Variants in TYW1B observed in about 807,000 individuals in gnomAD.
The protein encoded by TYW1B is tRNA-yW synthesizing protein 1 homolog B.
A neutral mutation model predicts 86.9 loss-of-function variants in TYW1B; 73 were observed. The ratio of observed to expected loss-of-function variants is 0.84; its 90% CI spans 0.70 to 1.02. The LOEUF is 1.02. Among genes scored for constraint, TYW1B ranks in the 50% least tolerant of loss-of-function variants. The pLI, the probability that TYW1B is intolerant of heterozygous loss-of-function variation, is 0.00. For missense variants in TYW1B, 637 were observed against 827.4 expected, an observed-to-expected ratio of 0.77 and a Z score of 2.82; for synonymous variants, 248 against 292.8, an observed-to-expected ratio of 0.85 and a Z score of 1.56.
chr7:72,737,499 T>C lies in TYW1B; in HGVS notation c.1082+6985A>G, dbSNP rs189362252. Among the ~76,000 whole-genome samples, 129 of 152,282 alleles carry C rather than the reference T, an allele frequency of 8.5e-4. 2 individuals carry two copies. In the East Asian group the frequency reaches 0.021, roughly 24 times the overall value. ...GAGGAGCACTACCCATTAGATCCTG[T>C]TATTTCTTTTGAATTTTGACCTGTA... On this transcript the variant is annotated intron_variant, in intron 8 of 13. Transcript: ENST00000620995.
intron 11 of TYW1B, among the ~76,000 whole-genome samples, chr7:72,643,226 A>G (rs1319680041): frequency 1.3e-5 from 2 of 152,188 alleles, no homozygotes; most frequent in Non-Finnish European, 2.9e-5. Context: ...ATGCCATAAA[A>G]TAAGGATGGC....
chr7:72,711,248 T>C (rs146107282), intron 10 of TYW1B, among the ~76,000 whole-genome samples: 16 of 152,108 alleles, frequency 1.1e-4, no homozygotes, highest in Middle Eastern at 6.8e-3. Flanking sequence ...CAGAAAGATA[T>C]ATGGGAACAG....
chr7:72,820,425 T>C (rs1177845191), intron 2 of TYW1B, among the ~76,000 whole-genome samples: 1 of 152,154 alleles, frequency 6.6e-6, no homozygotes, highest in Non-Finnish European at 1.5e-5. Context: ...CTTAAGGAAG[T>C]GCTAACTATG....
chr7:72,620,235 A>G (rs1812180746), intron 12 of TYW1B, among the ~76,000 whole-genome samples: 1 of 151,996 alleles, frequency 6.6e-6, no homozygotes, highest in Non-Finnish European at 1.5e-5. Flanking sequence ...TGTCTCTATT[A>G]AAAATACAAA....
At chr7:72,667,301 A>C (rs533481079) in intron 11 of TYW1B, among the ~76,000 whole-genome samples, 1 of 152,132 alleles carries the variant, frequency 6.6e-6, no homozygotes, top group Admixed American at 6.5e-5. Flanking sequence ...TTTCCTGCAC[A>C]TGTTTTTGTT....
chr7:72,605,346 TTTTG>T (rs1364415464), intron 13 of TYW1B, among the ~76,000 whole-genome samples: 1 of 151,706 alleles, frequency 6.6e-6, no homozygotes, highest in Non-Finnish European at 1.5e-5. Flanking sequence ...GTGGTTTTTT[TTTTG>T]TTTGTTTTGT....
At chr7:72,606,602 A>G (rs58317813) in intron 13 of TYW1B, among the ~76,000 whole-genome samples, 16,926 of 68,672 alleles carry the variant, frequency 0.25, 1,241 homozygotes, top group African/African-American at 0.32. Flanking sequence ...CCCAGCAGCA[A>G]TAAGGCCCCC....
intron 11 of TYW1B, among the ~76,000 whole-genome samples, chr7:72,658,795 A>G (rs1231583289): frequency 6.6e-6 from 1 of 152,154 alleles, no homozygotes; most frequent in Non-Finnish European, 1.5e-5. Context: ...ATCTCGGCTC[A>G]CTGCAACCTC....
At position 72,616,743 on chromosome 7, in the gene TYW1B, C is replaced by A. The variant is rs531710796; in HGVS notation, c.1714G>T (p.Asp572Tyr). ...EVVQFVRELVDLIPEYEIACE... is the reference protein window; with the variant it reads ...EVVQFVRELVYLIPEYEIACE... ...GCAATTTCATATTCGGGGATCAGAT[C>A]CACCAGCTCGCGGACAAACTGTACC... Residue 572 changes from aspartate to tyrosine, a missense_variant, in exon 13 of 14, where the codon GAT (aspartate) becomes TAT (tyrosine). By Grantham distance (160) the Asp-to-Tyr change is radical. Coordinates refer to ENST00000620995, the MANE Select transcript of TYW1B (RefSeq NM_001145440.3). The A allele has an allele frequency of 1.9e-6, 3 of 1,614,232 alleles. No homozygotes were observed. Among genetic ancestry groups the A allele is most frequent in the Admixed American group, 3.3e-5 (2 of 60,026 alleles).
chr7:72,688,390 G>A (rs1447970913), intron 11 of TYW1B, among the ~76,000 whole-genome samples: 1 of 152,020 alleles, frequency 6.6e-6, no homozygotes, highest in Non-Finnish European at 1.5e-5. Context: ...CCATACAATG[G>A]CTTCCACACA....
intron 12 of TYW1B, among the ~76,000 whole-genome samples, chr7:72,622,521 C>T (rs573959005): frequency 2.2e-4 from 34 of 152,242 alleles, no homozygotes; most frequent in Admixed American, 9.2e-4. Context: ...GCACATTTTA[C>T]GTAGGTATCA....
chr7:72,576,945 G>A (rs1811037314), intron 13 of TYW1B, among the ~76,000 whole-genome samples: 1 of 152,026 alleles, frequency 6.6e-6, no homozygotes, highest in Admixed American at 6.5e-5. Flanking sequence ...TGGCCAACAT[G>A]GTAAAACCCC....
chr7:72,611,235 A>G (rs1470394348), intron 13 of TYW1B, among the ~76,000 whole-genome samples: 1 of 152,146 alleles, frequency 6.6e-6, no homozygotes, highest in Non-Finnish European at 1.5e-5. Flanking sequence ...TTCTTCCATC[A>G]TAGCTCTGAT....
intron 6 of TYW1B, among the ~76,000 whole-genome samples, chr7:72,789,281 G>C (rs1283270076): frequency 6.6e-6 from 1 of 152,062 alleles, no homozygotes; most frequent in African/African-American, 2.4e-5. Flanking sequence ...CTACATGCAT[G>C]TGCCACCACG....
At chr7:72,670,658 G>A (rs1220033367) in intron 11 of TYW1B, among the ~76,000 whole-genome samples, 2 of 152,180 alleles carry the variant, frequency 1.3e-5, no homozygotes, top group Non-Finnish European at 2.9e-5. Context: ...CTGAGGAGTA[G>A]AAAGACCCCC....
intron 11 of TYW1B, among the ~76,000 whole-genome samples, chr7:72,664,952 C>G (rs1250015172): frequency 1.3e-5 from 2 of 152,138 alleles, no homozygotes; most frequent in Admixed American, 6.6e-5. Context: ...CTTACAATAG[C>G]TAATACAATG....
At chr7:72,739,203 G>A (rs547509347) in intron 8 of TYW1B, among the ~76,000 whole-genome samples, 117 of 152,254 alleles carry the variant, frequency 7.7e-4, no homozygotes, top group Non-Finnish European at 1.3e-3. Flanking sequence ...ATTAAAATAG[G>A]TAAATGGAAT....
At chr7:72,653,772 A>G (rs1813131244) in intron 11 of TYW1B, among the ~76,000 whole-genome samples, 1 of 151,354 alleles carries the variant, frequency 6.6e-6, no homozygotes, top group Non-Finnish European at 1.5e-5. Context: ...ACAAAAGCCA[A>G]CGTCTATTCA....
chr7:72,766,573 C>T (rs1787773203), intron 7 of TYW1B, among the ~76,000 whole-genome samples: 1 of 129,622 alleles, frequency 7.7e-6, no homozygotes, highest in Admixed American at 9.2e-5. Context: ...AAGATCACGC[C>T]ACTGTACACC....
Sources: gnomAD v4.1 joint callset for allele counts (sites outside exome capture counted in the v4.1 genomes callset) on GRCh38, gnomAD v4.1.1 for gene constraint, MANE v1.5 for transcripts, NCBI Gene and HGNC (gene_info 2026-07-23, HGNC 2026-07-21) for gene names.